The following WDR72 variants were observed in gnomAD, a reference collection of about 807,000 sequenced individuals.
The protein encoded by WDR72 is WD repeat-containing protein 72.
In WDR72, 120 loss-of-function variants were observed where a neutral mutation model predicts 124.2. That is an observed-to-expected ratio of 0.97 (90% CI 0.83 to 1.12). The LOEUF (loss-of-function observed/expected upper bound fraction) is 1.12. Ranked by LOEUF, WDR72 falls within the 50% of genes most tolerant of loss-of-function variation. The pLI, the probability that WDR72 is intolerant of heterozygous loss-of-function variation, is 0.00. For missense variants in WDR72, 1,387 were observed against 1,278.8 expected (o/e 1.08, Z -1.29); for synonymous variants, 452 against 441.7 (o/e 1.02, Z -0.29).
At position 53,540,160 on chromosome 15, in the gene WDR72, G is replaced by A. The variant is rs530476186; in HGVS notation, c.3149-16838C>T. 1.1e-4 allele frequency among the ~76,000 whole-genome samples: 16 copies of A among 152,286 alleles called. No individual in the cohort carries two copies. The East Asian group carries it at 3.1e-3, about 29-fold the overall frequency. On this transcript the variant is annotated intron_variant, in intron 18 of 19. Transcript: ENST00000360509. ...GAGGCTAAAGAGAATGGAAACTAAC[G>A]ATAGATAATGTTAGCACATATCTCT...
At chr15:53,563,346 A>T (rs2140296403) in intron 18 of WDR72, among the ~76,000 whole-genome samples, 1 of 151,992 alleles carries the variant, frequency 6.6e-6, no homozygotes, top group East Asian at 1.9e-4. Flanking sequence ...AAAATTTAAA[A>T]GAAACTAATT....
chr15:53,648,534 C>A (rs1467914952), intron 14 of WDR72, among the ~76,000 whole-genome samples: 1 of 152,092 alleles, frequency 6.6e-6, no homozygotes. Flanking sequence ...GGAAAAACAA[C>A]TTAGCCAGAA....
chr15:53,538,989 A>T (rs74378147), intron 18 of WDR72, among the ~76,000 whole-genome samples: 29,930 of 152,132 alleles, frequency 0.2, 3,004 homozygotes, highest in Middle Eastern at 0.24. Flanking sequence ...AAATTTCAAA[A>T]TAGTGATAGA....
chr15:53,644,794 G>A (rs910426333), intron 14 of WDR72, among the ~76,000 whole-genome samples: 1 of 152,014 alleles, frequency 6.6e-6, no homozygotes, highest in African/African-American at 2.4e-5. Context: ...AGAAGACAAA[G>A]GAGAAAGCCT....
intron 18 of WDR72, among the ~76,000 whole-genome samples, chr15:53,544,698 A>G (rs1048075404): frequency 4.8e-5 from 7 of 144,374 alleles, no homozygotes; most frequent in South Asian, 4.4e-4. Context: ...AGGGTATTCA[A>G]TTAGGAAAAG....
At chr15:53,696,166 G>A (rs915757496) in intron 13 of WDR72, among the ~76,000 whole-genome samples, 2 of 152,034 alleles carry the variant, frequency 1.3e-5, no homozygotes, top group Admixed American at 6.6e-5. Flanking sequence ...CCTCCTTCAC[G>A]TAGTTAGAGG....
chr15:53,612,860 T>C (rs2013604062), intron 16 of WDR72, among the ~76,000 whole-genome samples: 1 of 151,670 alleles, frequency 6.6e-6, no homozygotes, highest in Admixed American at 6.6e-5. Flanking sequence ...GAGCCTGCTA[T>C]GGTCATCCAG....
At chr15:53,700,029 T>C in intron 12 of WDR72, 84 bp from the exon 13 acceptor site, 1 of 1,546,174 alleles carries the variant, frequency 6.5e-7, no homozygotes, top group Non-Finnish European at 8.9e-7. Context: ...CCCAGTAACA[T>C]AAAAAAGTTT....
chr15:53,618,068 A>C (rs2013840273), intron 14 of WDR72, among the ~76,000 whole-genome samples: 1 of 151,964 alleles, frequency 6.6e-6, no homozygotes, highest in East Asian at 1.9e-4. Context: ...CATGGTAAAT[A>C]AATAATGTAA....
chr15:53,534,493 T>A (rs1200522774), intron 18 of WDR72, among the ~76,000 whole-genome samples: 1 of 152,142 alleles, frequency 6.6e-6, no homozygotes, highest in African/African-American at 2.4e-5. Flanking sequence ...ACCCTAGGGA[T>A]TTTATTTCTT....
Position 53,712,781 on chromosome 15 carries a change from T to C in WDR72, c.702A>G (p.Lys234=), listed in dbSNP as rs1383562827. The stretch of plus-strand genomic sequence containing the variant: ...TGTTACTTTATAATACCTTCCAACA[T>C]TTAGAAAATACCACCAATAGAAGTC... ...TERLLLVVFS[K]CWKVYDYCDF... The change falls in exon 7 of 20, where the codon AAA becomes AAG. Residue 234 remains lysine (K), a synonymous_variant. Transcript: ENST00000360509. The C allele has an allele frequency of 5.6e-6, 9 of 1,612,670 alleles. No individual in the cohort carries two copies. In the South Asian group the frequency reaches 6.6e-5, roughly 12 times the overall value.
chr15:53,630,447 G>A (rs993961364), intron 14 of WDR72, among the ~76,000 whole-genome samples: 1 of 152,010 alleles, frequency 6.6e-6, no homozygotes, highest in Non-Finnish European at 1.5e-5. Context: ...TATAACTATA[G>A]ACACAAAAAT....
At chr15:53,760,219 TA>T (rs754621108), upstream of WDR72, among the ~76,000 whole-genome samples, 5 of 152,012 alleles carry the variant, frequency 3.3e-5, no homozygotes, top group Non-Finnish European at 7.4e-5. Flanking sequence ...ACAATTATAT[TA>T]TTATTGACTA....
chr15:53,658,519 C>T (rs1209512418), intron 14 of WDR72, among the ~76,000 whole-genome samples: 1 of 152,086 alleles, frequency 6.6e-6, no homozygotes, highest in Non-Finnish European at 1.5e-5. Context: ...GCTATGGGCA[C>T]AGCCACAAAG....
intron 1 of WDR72, among the ~76,000 whole-genome samples, chr15:53,755,122 A>T (rs1055287966): frequency 6.6e-6 from 1 of 152,234 alleles, no homozygotes; most frequent in Non-Finnish European, 1.5e-5. Flanking sequence ...CTCCTTCCCC[A>T]GGCGACAGCT....
chr15:53,645,288 T>G (rs923393834), intron 14 of WDR72, among the ~76,000 whole-genome samples: 1 of 152,132 alleles, frequency 6.6e-6, no homozygotes, highest in Non-Finnish European at 1.5e-5. Context: ...GCTTAGAATA[T>G]AAAGATAAAC....
intron 18 of WDR72, among the ~76,000 whole-genome samples, chr15:53,576,178 G>A (rs1406593290): frequency 6.6e-6 from 1 of 152,100 alleles, no homozygotes; most frequent in African/African-American, 2.4e-5. Flanking sequence ...AGTTAATCAG[G>A]TGTCTAATCC....
intron 17 of WDR72, among the ~76,000 whole-genome samples, chr15:53,597,826 G>A (rs2012849640): frequency 6.6e-6 from 1 of 152,084 alleles, no homozygotes; most frequent in African/African-American, 2.4e-5. Flanking sequence ...ATTGCTGTGT[G>A]TGCCCAGTCA....
chr15:53,674,718 C>A (rs998363534), intron 13 of WDR72, among the ~76,000 whole-genome samples: 2 of 152,148 alleles, frequency 1.3e-5, no homozygotes, highest in African/African-American at 4.8e-5. Context: ...TGATAACAAA[C>A]TTAGATTGGC....
Sources: gnomAD v4.1 joint callset for allele counts (sites outside exome capture counted in the v4.1 genomes callset) on GRCh38, gnomAD v4.1.1 for gene constraint, MANE v1.5 for transcripts, NCBI Gene and HGNC (gene_info 2026-07-23, HGNC 2026-07-21) for gene names.